SHROOM3: variants seen among roughly 807,000 people sequenced by gnomAD.
SHROOM3 encodes the protein protein Shroom3.
In SHROOM3, 47 loss-of-function variants were observed where a neutral mutation model predicts 138.6. That is an observed-to-expected ratio of 0.34 (90% CI 0.27 to 0.43). The LOEUF is 0.43. SHROOM3 is among the 20% of genes least tolerant of loss of function. The pLI, the probability that SHROOM3 is intolerant of heterozygous loss-of-function variation, is 1.00. For synonymous variants in SHROOM3, 1,062 were observed against 1,063.3 expected (o/e 1.00, Z 0.02); for missense variants, 2,491 against 2,596.5 (o/e 0.96, Z 0.88).
chr4:76,505,812 T>C (rs1732197289), intron 1 of SHROOM3, among the ~76,000 whole-genome samples: 1 of 151,944 alleles, frequency 6.6e-6, no homozygotes, highest in South Asian at 2.1e-4. Context: ...CATGCTACTA[T>C]GCCTGGCTAA....
intron 2 of SHROOM3, among the ~76,000 whole-genome samples, chr4:76,681,594 GGTGTGTGTGTGTGT>G (rs558707266): frequency 1.2e-5 from 1 of 81,018 alleles, no homozygotes; most frequent in African/African-American, 5.7e-5. Flanking sequence ...CAGAGTCTAG[GGTGTGTGTGTGTGT>G]GTGTGTGTGT....
intron 1 of SHROOM3, among the ~76,000 whole-genome samples, chr4:76,479,565 T>G (rs977298082): frequency 2.0e-5 from 3 of 152,090 alleles, no homozygotes; most frequent in Non-Finnish European, 4.4e-5. Flanking sequence ...CTTCAGGATA[T>G]TATCCAGGAG....
At chr4:76,770,272 C>T (rs1722305938) in intron 9 of SHROOM3, among the ~76,000 whole-genome samples, 1 of 131,828 alleles carries the variant, frequency 7.6e-6, no homozygotes. Flanking sequence ...TGCAGTGAGC[C>T]GAGATTGAAC....
At chr4:76,481,768 A>C (rs2109988110) in intron 1 of SHROOM3, among the ~76,000 whole-genome samples, 1 of 152,124 alleles carries the variant, frequency 6.6e-6, no homozygotes, top group African/African-American at 2.4e-5. Flanking sequence ...ATACTGACAA[A>C]CCCCAAATCC....
intron 1 of SHROOM3, among the ~76,000 whole-genome samples, chr4:76,517,868 G>GT (rs1459331988): frequency 6.6e-6 from 1 of 152,134 alleles, no homozygotes; most frequent in African/African-American, 2.4e-5. Flanking sequence ...GAAAGGAAGT[G>GT]GATTGAATGA....
At chr4:76,693,528 C>T (rs1300832488) in intron 2 of SHROOM3, among the ~76,000 whole-genome samples, 2 of 151,726 alleles carry the variant, frequency 1.3e-5, no homozygotes, top group South Asian at 2.1e-4. Flanking sequence ...GGACTACAGG[C>T]ACATGCCACT....
chr4:76,440,059 A>T (rs1171022614), intron 1 of SHROOM3, among the ~76,000 whole-genome samples: 5 of 152,244 alleles, frequency 3.3e-5, no homozygotes, highest in Non-Finnish European at 1.5e-5. Context: ...TGTGGCTCAG[A>T]AAAGCAGTTC....
intron 1 of SHROOM3, among the ~76,000 whole-genome samples, chr4:76,444,014 A>T (rs1166965463): frequency 1.3e-5 from 2 of 151,718 alleles, no homozygotes; most frequent in Non-Finnish European, 2.9e-5. Flanking sequence ...TGCAGCCTTG[A>T]CCTCCCTGGG....
intron 2 of SHROOM3, among the ~76,000 whole-genome samples, chr4:76,686,244 A>G (rs1845275): frequency 0.68 from 102,999 of 151,918 alleles, 36,058 homozygotes; most frequent in East Asian, 0.94. Context: ...GGTCTTGAGC[A>G]ATCCTCCCAC....
chr4:76,514,623 A>G (rs114174772), intron 1 of SHROOM3, among the ~76,000 whole-genome samples: 40 of 152,344 alleles, frequency 2.6e-4, no homozygotes, highest in African/African-American at 8.4e-4. Flanking sequence ...GAACTGTTCA[A>G]TGAAAAAGGG....
At chr4:76,723,892 TA>T (rs773456150) in intron 3 of SHROOM3, among the ~76,000 whole-genome samples, 42 of 152,256 alleles carry the variant, frequency 2.8e-4, no homozygotes, top group Non-Finnish European at 5.3e-4. Flanking sequence ...TGACTTTGTT[TA>T]ATAGTTTTTC....
chr4:76,498,962 A>T (rs1732031299), intron 1 of SHROOM3, among the ~76,000 whole-genome samples: 1 of 152,148 alleles, frequency 6.6e-6, no homozygotes, highest in African/African-American at 2.4e-5. Context: ...TTTTCTAACC[A>T]ATTTTATGAG....
intron 2 of SHROOM3, among the ~76,000 whole-genome samples, chr4:76,663,577 T>C (rs1005402958): frequency 8.5e-5 from 13 of 152,140 alleles, no homozygotes; most frequent in African/African-American, 3.1e-4. Flanking sequence ...GTTGTTCTTG[T>C]TGATTTAGAG....
chr4:76,757,275 A>G (rs1256443857), intron 8 of SHROOM3, among the ~76,000 whole-genome samples: 1 of 152,240 alleles, frequency 6.6e-6, no homozygotes, highest in Non-Finnish European at 1.5e-5. Flanking sequence ...CCATTTACAA[A>G]TGAGGAAACT....
chr4:76,562,174 G>C (rs1050706515), intron 2 of SHROOM3, among the ~76,000 whole-genome samples: 2 of 152,144 alleles, frequency 1.3e-5, no homozygotes, highest in African/African-American at 4.8e-5. Flanking sequence ...CAGCAGACTT[G>C]AGTCTCTGCA....
At position 76,741,542 on chromosome 4, in the gene SHROOM3, C is replaced by G. The variant is rs755635260; in HGVS notation, c.3369C>G (p.Pro1123=). 2.6e-6 allele frequency: 4 copies of G among 1,548,680 alleles called. No homozygotes were observed. The highest frequency in any genetic ancestry group is 2.4e-5 in the East Asian group (1 of 41,644). The change falls in exon 5 of 11, where the codon CCC becomes CCG. Residue 1123 remains proline, a synonymous_variant. Coordinates refer to ENST00000296043, the MANE Select transcript of SHROOM3 (RefSeq NM_020859.4). The surrounding 1 kb of genome is among the most constrained non-coding windows in gnomAD (Gnocchi z 6.2). The part of the protein sequence containing the change: ...RERAQSAYLQ[P]GPAALEGSGL... ...GCGCCCAGAGTGCCTACCTCCAGCCCGGCCCCGCGGCGCTCGAAGGCTCCG... is the reference window on the plus strand; with the variant it reads ...GCGCCCAGAGTGCCTACCTCCAGCCGGGCCCCGCGGCGCTCGAAGGCTCCG...
At chr4:76,449,348 TG>T (rs1185675949) in intron 1 of SHROOM3, among the ~76,000 whole-genome samples, 4 of 152,184 alleles carry the variant, frequency 2.6e-5, no homozygotes, top group African/African-American at 9.7e-5. Context: ...GATACATAAC[TG>T]TTTTTTTAAG....
At chr4:76,597,867 C>A (rs115016197) in intron 2 of SHROOM3, among the ~76,000 whole-genome samples, 2 of 152,120 alleles carry the variant, frequency 1.3e-5, no homozygotes, top group Non-Finnish European at 2.9e-5. Flanking sequence ...GCTAAGACAG[C>A]AAGAGTCAGT....
At chr4:76,742,825 G>A (rs150426829) in intron 5 of SHROOM3, among the ~76,000 whole-genome samples, 1 of 152,230 alleles carries the variant, frequency 6.6e-6, no homozygotes, top group East Asian at 1.9e-4. Context: ...CACAGGGGAG[G>A]AAGAACTCCG....
Sources: gnomAD v4.1 joint callset for allele counts (sites outside exome capture counted in the v4.1 genomes callset) on GRCh38, gnomAD v4.1.1 for gene constraint, Gnocchi (gnomAD v3.1) non-coding constraint, MANE v1.5 for transcripts, NCBI Gene and HGNC (gene_info 2026-07-23, HGNC 2026-07-21) for gene names.